USH2A: variants seen among roughly 807,000 people sequenced by gnomAD.
The protein encoded by USH2A is Usher syndrome 2A (autosomal recessive, mild).
In USH2A, 443 loss-of-function variants were observed where a neutral mutation model predicts 538.9. That is an observed-to-expected ratio of 0.82 (90% confidence interval 0.76 to 0.89). The LOEUF (loss-of-function observed/expected upper bound fraction) is 0.89. Among genes scored for constraint, USH2A ranks in the 40% least tolerant of loss-of-function variants. The probability of loss-of-function intolerance (pLI) is 0.00; values close to 1 mark genes in which losing one functional copy is unlikely to be tolerated. For missense variants in USH2A, 6,633 were observed against 6,324.8 expected (o/e 1.05, Z -1.65); for synonymous variants, 2,413 against 2,273.5 (o/e 1.06, Z -1.75).
intron 32 of USH2A, among the ~76,000 whole-genome samples, chr1:216,009,463 C>A (rs1469923124): frequency 6.6e-6 from 1 of 152,104 alleles, no homozygotes; most frequent in Non-Finnish European, 1.5e-5. Flanking sequence ...CTAAATAATT[C>A]TTGTCATAAA....
At chr1:216,215,534 A>T (rs1175072214) in intron 15 of USH2A, among the ~76,000 whole-genome samples, 2 of 152,044 alleles carry the variant, frequency 1.3e-5, no homozygotes, top group Non-Finnish European at 2.9e-5. Flanking sequence ...TCCTATTATC[A>T]GTGTCCATCA....
intron 35 of USH2A, among the ~76,000 whole-genome samples, chr1:215,978,898 G>C (rs544474486): frequency 6.6e-6 from 1 of 152,312 alleles, no homozygotes; most frequent in Admixed American, 6.5e-5. Context: ...CCACTGCCTA[G>C]AAGTAAGAAA....
At chr1:216,096,234 C>T (rs974765316) in intron 22 of USH2A, among the ~76,000 whole-genome samples, 1 of 152,252 alleles carries the variant, frequency 6.6e-6, no homozygotes, top group South Asian at 2.1e-4. Flanking sequence ...TCTCTGTTCC[C>T]AGCCATAAGA....
intron 9 of USH2A, among the ~76,000 whole-genome samples, chr1:216,299,084 C>T (rs2037163322): frequency 2.0e-5 from 3 of 152,036 alleles, no homozygotes; most frequent in Admixed American, 2.0e-4. Flanking sequence ...CCTCGTGATC[C>T]ACCCGCCTCG....
intron 43 of USH2A, 71 bp downstream of exon 43, chr1:215,877,687 G>C: frequency 1.2e-6 from 2 of 1,602,202 alleles, no homozygotes; most frequent in South Asian, 2.2e-5. Context: ...AAGACACTGA[G>C]ATACTTTGAA....
At position 216,379,103 on chromosome 1, in the gene USH2A, G is replaced by A. The variant is rs550902492; in HGVS notation, c.652-14018C>T. Among the ~76,000 whole-genome samples the A allele has an allele frequency of 1.3e-4, 20 of 152,184 alleles. 1 individual carries two copies. Among genetic ancestry groups the A allele is most frequent in the South Asian group, 1.2e-3 (6 of 4,816 alleles). On this transcript the variant is annotated intron_variant, in intron 3 of 71. Transcript: ENST00000307340. ...AAAATCAGGTCAAATCTTTCCACTCGCTGATGCCTGGTGATGGGAAAGAGC... is the reference window on the plus strand; with the variant it reads ...AAAATCAGGTCAAATCTTTCCACTCACTGATGCCTGGTGATGGGAAAGAGC...
intron 61 of USH2A, among the ~76,000 whole-genome samples, chr1:215,719,197 T>C (rs1659580680): frequency 6.6e-6 from 1 of 152,008 alleles, no homozygotes; most frequent in Non-Finnish European, 1.5e-5. Context: ...TCTGCTGATA[T>C]AATCCCAGAT....
intron 32 of USH2A, among the ~76,000 whole-genome samples, chr1:216,010,527 A>G (rs1021471503): frequency 4.6e-5 from 7 of 151,866 alleles, no homozygotes; most frequent in Admixed American, 3.9e-4. Context: ...GCCGAGCTTT[A>G]GGTAACTCTC....
intron 37 of USH2A, among the ~76,000 whole-genome samples, chr1:215,960,635 G>A (rs1166921257): frequency 6.6e-6 from 1 of 151,986 alleles, no homozygotes; most frequent in Non-Finnish European, 1.5e-5. Flanking sequence ...TTTCAAATCA[G>A]GTAGAATCCC....
chr1:215,802,045 T>C (rs988491628), intron 49 of USH2A, among the ~76,000 whole-genome samples: 7 of 151,366 alleles, frequency 4.6e-5, no homozygotes, highest in Admixed American at 2.6e-4. Context: ...TTTTAAAGAA[T>C]GTTGGAAAAG....
At chr1:215,840,163 C>CAAAAAAAA (rs60766928) in intron 46 of USH2A, among the ~76,000 whole-genome samples, 1 of 29,522 alleles carries the variant, frequency 3.4e-5, no homozygotes, top group African/African-American at 1.1e-4. Flanking sequence ...GACTCTGTCT[C>CAAAAAAAA]AAAAAAAAAA....
In USH2A at chr1:215,675,631, A is replaced by G; in HGVS notation, c.12295-15T>C. 6.2e-7 allele frequency: 1 copy of G among 1,614,110 alleles called. No homozygotes were observed. Reference sequence around the variant, plus strand: ...ATGTTGTATGTCTACAGAAGGACAGAAGCAAAAGGGATAACTTGCAGCATA... The same window carrying G: ...ATGTTGTATGTCTACAGAAGGACAGGAGCAAAAGGGATAACTTGCAGCATA... On this transcript the variant is annotated splice_polypyrimidine_tract_variant and intron_variant, in intron 62 of 71. Transcript: ENST00000307340.
chr1:216,393,644 A>T (rs1301579083), intron 3 of USH2A, among the ~76,000 whole-genome samples: 2 of 152,178 alleles, frequency 1.3e-5, no homozygotes, highest in Non-Finnish European at 2.9e-5. Context: ...AATTAAAAAA[A>T]ATATTATGCA....
At chr1:215,994,986 C>T (rs1668099994) in intron 34 of USH2A, among the ~76,000 whole-genome samples, 1 of 151,742 alleles carries the variant, frequency 6.6e-6, no homozygotes. Context: ...GATTTTTTTT[C>T]CTTAGAAGGG....
chr1:216,363,398 G>A (rs1400890488), intron 4 of USH2A, among the ~76,000 whole-genome samples: 1 of 151,978 alleles, frequency 6.6e-6, no homozygotes. Flanking sequence ...CTACACTTTA[G>A]AGATATTAAA....
intron 47 of USH2A, among the ~76,000 whole-genome samples, chr1:215,829,895 T>C (rs1009466224): frequency 2.6e-5 from 4 of 152,162 alleles, no homozygotes; most frequent in African/African-American, 9.7e-5. Flanking sequence ...CCAAAGGCAT[T>C]GGAAGAAAGA....
intron 13 of USH2A, among the ~76,000 whole-genome samples, chr1:216,245,587 G>GT (rs921393663): frequency 4.0e-5 from 6 of 151,292 alleles, no homozygotes; most frequent in African/African-American, 1.2e-4. Flanking sequence ...TTCTCCTTAG[G>GT]TTTTTATGGA....
At chr1:215,727,347 T>A (rs1487730330) in intron 61 of USH2A, among the ~76,000 whole-genome samples, 1 of 152,178 alleles carries the variant, frequency 6.6e-6, no homozygotes, top group Non-Finnish European at 1.5e-5. Flanking sequence ...TCTAATTTCA[T>A]CTGAACCTCA....
chr1:216,329,311 C>A (rs563805739), intron 4 of USH2A, among the ~76,000 whole-genome samples: 1 of 152,168 alleles, frequency 6.6e-6, no homozygotes, highest in Non-Finnish European at 1.5e-5. Flanking sequence ...GATTTATGAT[C>A]AATTGACCTG....
Sources: gnomAD v4.1 joint callset for allele counts (sites outside exome capture counted in the v4.1 genomes callset) on GRCh38, gnomAD v4.1.1 for gene constraint, MANE v1.5 for transcripts, NCBI Gene and HGNC (gene_info 2026-07-23, HGNC 2026-07-21) for gene names.